The following CEP120 variants were observed in gnomAD, a reference collection of about 807,000 sequenced individuals.
CEP120 encodes centrosomal protein of 120 kDa.
Under a neutral mutation model 126.5 loss-of-function variants are expected in CEP120, and 113 were observed. That is an observed-to-expected ratio of 0.89 (90% CI 0.77 to 1.04). The LOEUF is 1.04. Ranked by LOEUF, CEP120 falls within the 50% of genes least tolerant of loss-of-function variation. The pLI, the probability that CEP120 is intolerant of heterozygous loss-of-function variation, is 0.00. For missense variants in CEP120, 1,230 were observed against 1,155.7 expected (o/e 1.06, Z -0.93); for synonymous variants, 400 against 394.3 (o/e 1.01, Z -0.17).
At chr5:123,385,879 A>G (rs975554713) in intron 10 of CEP120, among the ~76,000 whole-genome samples, 5 of 152,190 alleles carry the variant, frequency 3.3e-5, no homozygotes, top group Non-Finnish European at 7.3e-5. Flanking sequence ...TGCTGGGATT[A>G]CAGGTGTAAG....
chr5:123,401,201 C>T (rs1398691101), intron 4 of CEP120: 2 of 1,612,754 alleles, frequency 1.2e-6, no homozygotes, highest in Middle Eastern at 1.7e-4. Flanking sequence ...CCAGGGCCAG[C>T]CTGACGTTCA....
intron 5 of CEP120, among the ~76,000 whole-genome samples, chr5:123,398,269 G>C (rs962341734): frequency 6.6e-6 from 1 of 152,132 alleles, no homozygotes; most frequent in African/African-American, 2.4e-5. Flanking sequence ...ACTTGAGAGG[G>C]ACAGTGGAAT....
In CEP120 at chr5:123,363,846, C is replaced by T. The variant is rs1037515232; in HGVS notation, c.2580+650G>A. On this transcript the variant is annotated intron_variant, in intron 18 of 19. Coordinates refer to ENST00000306467, the MANE Select transcript of CEP120 (RefSeq NM_001375405.1). ...AAAAGTGAACTTAGAATAAACTAAC[C>T]ATTATTAATCTTTAAAAGATTTAGG... Among the ~76,000 whole-genome samples the T allele has an allele frequency of 1.7e-4, 25 of 151,390 alleles. No homozygotes were observed. In the East Asian group the frequency reaches 1.9e-3, roughly 12 times the overall value.
intron 18 of CEP120, among the ~76,000 whole-genome samples, chr5:123,354,918 A>AG (rs1386791906): frequency 6.6e-6 from 1 of 151,754 alleles, no homozygotes; most frequent in African/African-American, 2.4e-5. Flanking sequence ...TATATCTCCT[A>AG]ATGCTATCCC....
In CEP120 at chr5:123,423,033, G is replaced by T; in HGVS notation, c.-35C>A. ...GAGCGGTCCGGGGGCGAAGGCGGCT[G>T]GGGGGAAGTGAGGTCCAGTTGAGTC... On this transcript the variant is annotated 5_prime_UTR_variant, in exon 1 of 20. Transcript: ENST00000306467. 6.3e-7 allele frequency: 1 copy of T among 1,590,866 alleles called. No individual in the cohort carries two copies. The highest frequency in any genetic ancestry group is 8.6e-7 in the Non-Finnish European group (1 of 1,159,602).
chr5:123,350,209 A>G, intron 18 of CEP120, 120 bp from the exon 19 acceptor site: 1 of 863,654 alleles, frequency 1.2e-6, no homozygotes, highest in Admixed American at 3.6e-5. Context: ...CACACTGCCA[A>G]TTCTTTTTTT....
In CEP120 at chr5:123,385,043, CAAGAT is replaced by C; in HGVS notation, c.1666_1670del (p.Ile556ValfsTer11). The C allele has an allele frequency of 6.2e-7, 1 of 1,613,670 alleles. No individual in the cohort carries two copies. On this transcript the variant is annotated frameshift_variant, in exon 11 of 20. Coordinates refer to ENST00000306467, the MANE Select transcript of CEP120 (RefSeq NM_001375405.1). LOFTEE classifies it high-confidence loss of function. ...CTAAAAAACGAGTTTTTTCTGAAGA[CAAGAT>C]GTTAGAAAGCTGGATTCTCGCAATT...
At chr5:123,366,340 C>G (rs1197559246) in intron 17 of CEP120, among the ~76,000 whole-genome samples, 1 of 151,772 alleles carries the variant, frequency 6.6e-6, no homozygotes, top group Non-Finnish European at 1.5e-5. Context: ...TATTTTTCTT[C>G]AGGTTTTCTT....
rs544807103 is a variant in CEP120 at position 123,349,226 on chromosome 5, C to T, written c.2726+718G>A. On this transcript the variant is annotated intron_variant, in intron 19 of 19. Transcript: ENST00000306467. Reference sequence around the variant, plus strand: ...TGCAATCTCTGGAATCGGATCTGAACTCTGGCTCCATGATTTACTAGCTAC... The same window carrying T: ...TGCAATCTCTGGAATCGGATCTGAATTCTGGCTCCATGATTTACTAGCTAC... 2.6e-5 allele frequency among the ~76,000 whole-genome samples: 4 copies of T among 152,282 alleles called. No individual in the cohort carries two copies. The East Asian group carries it at 7.7e-4, about 29-fold the overall frequency.
At position 123,390,052 on chromosome 5, in the gene CEP120, G is replaced by C. The variant is rs981511783; in HGVS notation, c.1127C>G (p.Thr376Ser). The change falls in exon 8 of 20, where the codon ACT becomes AGT. Residue 376 changes from threonine to serine, a missense_variant. By Grantham distance (58) the Thr-to-Ser change is moderately conservative (BLOSUM62 1). Coordinates refer to ENST00000306467, the MANE Select transcript of CEP120 (RefSeq NM_001375405.1). ...GGACACTGTTGGTGATTTTGGCCCA[G>C]TAAGTGTCTTCTCCTTTATGGGGGT... ...VLTPIKEKTL[T>S]GPKSPTVSPV... The C allele has an allele frequency of 1.2e-6, 2 of 1,613,892 alleles. No homozygotes were observed. The highest frequency in any genetic ancestry group is 1.3e-5 in the African/African-American group (1 of 74,900).
At chr5:123,349,380 T>A (rs928862457) in intron 19 of CEP120, among the ~76,000 whole-genome samples, 1 of 152,128 alleles carries the variant, frequency 6.6e-6, no homozygotes, top group African/African-American at 2.4e-5. Flanking sequence ...TATAAGACAT[T>A]TAAAACAGCT....
At chr5:123,373,787 T>C (rs1771022146) in intron 16 of CEP120, among the ~76,000 whole-genome samples, 1 of 152,006 alleles carries the variant, frequency 6.6e-6, no homozygotes, top group African/African-American at 2.4e-5. Flanking sequence ...CTATAAGGCC[T>C]CCACAGTCAG....
chr5:123,374,549 A>G (rs1458514508), intron 16 of CEP120, among the ~76,000 whole-genome samples: 1 of 152,116 alleles, frequency 6.6e-6, no homozygotes, highest in East Asian at 1.9e-4. Flanking sequence ...ATGACTATCC[A>G]TCATTATATA....
chr5:123,419,947 G>A (rs1407578369), intron 1 of CEP120, among the ~76,000 whole-genome samples: 5 of 152,168 alleles, frequency 3.3e-5, no homozygotes, highest in Admixed American at 3.3e-4. Flanking sequence ...TTATTGAGGG[G>A]AATTTTATCC....
At chr5:123,420,943 T>C (rs573223707) in intron 1 of CEP120, among the ~76,000 whole-genome samples, 236 of 152,310 alleles carry the variant, frequency 1.5e-3, no homozygotes, top group African/African-American at 5.5e-3. Context: ...ACAGCATGGT[T>C]ATGATGAATG....
chr5:123,366,076 C>CA (rs1160592664), intron 17 of CEP120, among the ~76,000 whole-genome samples: 3 of 151,692 alleles, frequency 2.0e-5, no homozygotes, highest in Admixed American at 1.3e-4. Flanking sequence ...ATTCTTAATA[C>CA]AATCCTGTAG....
chr5:123,380,943 A>G (rs1771595532), intron 14 of CEP120, among the ~76,000 whole-genome samples: 1 of 152,078 alleles, frequency 6.6e-6, no homozygotes, highest in African/African-American at 2.4e-5. Flanking sequence ...GTTTCTAAAG[A>G]ATAGAGACTT....
chr5:123,422,511 C>T, intron 1 of CEP120: 3 of 1,535,584 alleles, frequency 2.0e-6, no homozygotes, highest in Non-Finnish European at 2.6e-6. Flanking sequence ...CTGTAGTCCC[C>T]TGAGTCCTCC....
chr5:123,357,000 AT>A (rs1769684318), intron 18 of CEP120, among the ~76,000 whole-genome samples: 1 of 152,060 alleles, frequency 6.6e-6, no homozygotes, highest in African/African-American at 2.4e-5. Flanking sequence ...AATTCTGCCA[AT>A]TTTTGTCAGT....
Sources: allele counts gnomAD v4.1 joint callset (sites outside exome capture counted in the v4.1 genomes callset), GRCh38; gene constraint gnomAD v4.1.1; transcripts MANE v1.5; gene names NCBI Gene and HGNC (gene_info 2026-07-23, HGNC 2026-07-21).